Variants in UBE2W observed in about 807,000 individuals in gnomAD.
UBE2W encodes ubiquitin conjugating enzyme E2 W.
A neutral mutation model predicts 27.2 loss-of-function variants in UBE2W; 18 were observed. The ratio of observed to expected loss-of-function variants is 0.66; its 90% CI spans 0.46 to 0.98. The LOEUF is 0.98. UBE2W is among the 50% of genes least tolerant of loss of function. The pLI, the probability that UBE2W is intolerant of heterozygous loss-of-function variation, is 0.00. For synonymous variants in UBE2W, 53 were observed against 57.2 expected (o/e 0.93, Z 0.33); for missense variants, 90 against 180.2 (o/e 0.50, Z 2.87).
chr8:73,786,174 A>G, downstream of UBE2W: 3 of 968,170 alleles, frequency 3.1e-6, no homozygotes, highest in Non-Finnish European at 3.7e-6. Context: ...AATTTGCCTC[A>G]GAGATAAAGA....
chr8:73,871,096 A>AACGGAT (rs1811993124), intron 1 of UBE2W, among the ~76,000 whole-genome samples: 1 of 152,190 alleles, frequency 6.6e-6, no homozygotes, highest in African/African-American at 2.4e-5. Flanking sequence ...GAGATAAGTA[A>AACGGAT]ACGGATGAGG....
intron 3 of UBE2W, among the ~76,000 whole-genome samples, chr8:73,819,012 C>T (rs1241622651): frequency 6.6e-6 from 1 of 152,144 alleles, no homozygotes; most frequent in Admixed American, 6.5e-5. Flanking sequence ...CCTTACACTC[C>T]CCTTCCTGTT....
chr8:73,869,893 A>C (rs1811929189), intron 1 of UBE2W, among the ~76,000 whole-genome samples: 1 of 152,164 alleles, frequency 6.6e-6, no homozygotes, highest in African/African-American at 2.4e-5. Flanking sequence ...AAGTGAAAGA[A>C]GCCAGGCACA....
chr8:73,819,582 A>G (rs548799461), intron 3 of UBE2W, among the ~76,000 whole-genome samples: 30 of 152,328 alleles, frequency 2.0e-4, no homozygotes, highest in Non-Finnish European at 3.1e-4. Context: ...AAAAAGCAGA[A>G]TATGTACATA....
At chr8:73,823,393 G>A in intron 3 of UBE2W, among the ~76,000 whole-genome samples, 1 of 152,174 alleles carries the variant, frequency 6.6e-6, no homozygotes, top group East Asian at 1.9e-4. Flanking sequence ...TTCCTCTGGT[G>A]AAAAATCTGT....
intron 1 of UBE2W, among the ~76,000 whole-genome samples, chr8:73,839,119 G>T (rs1397020459): frequency 2.6e-5 from 4 of 152,022 alleles, no homozygotes; most frequent in African/African-American, 4.8e-5. Flanking sequence ...TCTTCAAAAT[G>T]CCAAGAACCT....
rs1808057682 is a variant in UBE2W at position 73,788,515 on chromosome 8, T to C, written c.*5587A>G. 1.0e-6 allele frequency: 1 copy of C among 985,460 alleles called. No homozygotes were observed. Among genetic ancestry groups the C allele is most frequent in the Non-Finnish European group, 1.2e-6 (1 of 829,932 alleles). The allele number at this position is 985,460 out of a possible 1,614,324, so 61.0% of individuals were successfully genotyped here. On this transcript the variant is annotated 3_prime_UTR_variant, in exon 6 of 6. Coordinates refer to ENST00000602593, the MANE Select transcript of UBE2W (RefSeq NM_018299.6). The stretch of plus-strand genomic sequence containing the variant: ...TTGAACCTGACCACCAATTTGCCTT[T>C]ACATAAACAATCTGTGGTTAACTAT...
intron 1 of UBE2W, among the ~76,000 whole-genome samples, chr8:73,872,588 T>C (rs1169798989): frequency 6.6e-6 from 1 of 152,190 alleles, no homozygotes; most frequent in African/African-American, 2.4e-5. Context: ...TACTCAAAAT[T>C]ACACAGTAAC....
At chr8:73,859,648 A>G (rs1811462423) in intron 1 of UBE2W, among the ~76,000 whole-genome samples, 1 of 152,228 alleles carries the variant, frequency 6.6e-6, no homozygotes, top group Non-Finnish European at 1.5e-5. Flanking sequence ...TCCAGTTAAC[A>G]GTAAGCTATT....
Position 73,805,454 on chromosome 8 carries a change from C to CAAA in UBE2W, c.442+194_442+196dup, listed in dbSNP as rs1162712227. Among the ~76,000 whole-genome samples, 47 of 14,580 alleles carry CAAA rather than the reference C, an allele frequency of 3.2e-3. 8 individuals are homozygous for CAAA. Among genetic ancestry groups the CAAA allele is most frequent in the African/African-American group, 8.8e-3 (42 of 4,772 alleles). The allele number at this position is 14,580 out of a possible 152,430, so 9.6% of individuals were successfully genotyped here. ...GGGCAACAAGAGCAAAACTCCATCT[C>CAAA]AAAAAAAAAAAAAAAAACAAAAAAA... On this transcript the variant is annotated intron_variant, in intron 5 of 5. Transcript: ENST00000602593.
At chr8:73,832,136 A>AATAAATATATATATATAT (rs1554582582) in intron 1 of UBE2W, among the ~76,000 whole-genome samples, 2 of 145,348 alleles carry the variant, frequency 1.4e-5, no homozygotes, top group African/African-American at 5.3e-5. Context: ...AAAATAAATA[A>AATAAATATATATATATAT]ATATATATAT....
intron 1 of UBE2W, among the ~76,000 whole-genome samples, chr8:73,867,099 C>T (rs1811809740): frequency 1.3e-5 from 2 of 151,828 alleles, no homozygotes; most frequent in South Asian, 2.1e-4. Flanking sequence ...TATAATTCAA[C>T]GAAATGACAA....
intron 4 of UBE2W, among the ~76,000 whole-genome samples, chr8:73,809,227 G>A (rs1323114945): frequency 6.6e-6 from 1 of 152,140 alleles, no homozygotes; most frequent in East Asian, 1.9e-4. Flanking sequence ...TATTTCACAT[G>A]CTGTGGCTTA....
intron 3 of UBE2W, among the ~76,000 whole-genome samples, chr8:73,811,372 A>C (rs1340212101): frequency 6.6e-6 from 1 of 152,154 alleles, no homozygotes; most frequent in African/African-American, 2.4e-5. Flanking sequence ...TAATTCAACA[A>C]ATATCTTAAA....
chr8:73,866,290 A>AATATATATATATATATATATAT (rs71269958), intron 1 of UBE2W, among the ~76,000 whole-genome samples: 5 of 43,092 alleles, frequency 1.2e-4, no homozygotes, highest in Non-Finnish European at 1.3e-4. Context: ...AAAAAAAAAA[A>AATATATATATATATATATATAT]ATATATATAT....
Position 73,788,139 on chromosome 8 carries a change from C to T in UBE2W, c.*5963G>A. 3 of 981,542 alleles carry T rather than the reference C, an allele frequency of 3.1e-6. No homozygotes were observed. Among genetic ancestry groups the T allele is most frequent in the Non-Finnish European group, 3.6e-6 (3 of 826,432 alleles). The allele number at this position is 981,542 out of a possible 1,614,324, so 60.8% of individuals were successfully genotyped here. ...GTCTACAGAAAAAATCCAATAACAA[C>T]TGCTTTATTATTAAAAGTTATGAAA... On this transcript the variant is annotated 3_prime_UTR_variant, in exon 6 of 6. Coordinates refer to ENST00000602593, the MANE Select transcript of UBE2W (RefSeq NM_018299.6).
At chr8:73,808,247 CTTTTT>C in intron 4 of UBE2W, among the ~76,000 whole-genome samples, 1 of 151,372 alleles carries the variant, frequency 6.6e-6, no homozygotes. Flanking sequence ...TTTCTTTTTT[CTTTTT>C]TGAGACAGAG....
chr8:73,860,781 A>G (rs547786455), intron 1 of UBE2W, among the ~76,000 whole-genome samples: 1 of 152,304 alleles, frequency 6.6e-6, no homozygotes, highest in African/African-American at 2.4e-5. Flanking sequence ...CAAACAAACA[A>G]AAAACCTAGG....
intron 1 of UBE2W, among the ~76,000 whole-genome samples, chr8:73,832,136 A>ATATATATATATATATATATATATATAT (rs1563601304): frequency 6.9e-6 from 1 of 145,346 alleles, no homozygotes; most frequent in African/African-American, 2.6e-5. Context: ...AAAATAAATA[A>ATATATATATATATATATATATATATAT]ATATATATAT....
Sources: allele counts gnomAD v4.1 joint callset (sites outside exome capture counted in the v4.1 genomes callset), GRCh38; gene constraint gnomAD v4.1.1; transcripts MANE v1.5; gene names NCBI Gene and HGNC (gene_info 2026-07-23, HGNC 2026-07-21).